The following ATAD2 variants were observed in gnomAD, a reference collection of about 807,000 sequenced individuals.
ATAD2 encodes the protein ATPase family AAA domain-containing protein 2.
ATAD2 carries 62 observed loss-of-function variants against 168.9 expected under a neutral mutation model. That is an observed-to-expected ratio of 0.37 (90% CI 0.30 to 0.45). The LOEUF is 0.45. Among genes scored for constraint, ATAD2 ranks in the 20% least tolerant of loss-of-function variants. The pLI is 1.00. For missense variants in ATAD2, 1,419 were observed against 1,667.8 expected (o/e 0.85, Z 2.60); for synonymous variants, 613 against 571.6 (o/e 1.07, Z -1.03).
chr8:123,349,117 T>C (rs1188291017), intron 14 of ATAD2, among the ~76,000 whole-genome samples, 168 bp downstream of exon 14: 1 of 152,234 alleles, frequency 6.6e-6, no homozygotes, highest in Non-Finnish European at 1.5e-5. Flanking sequence ...AAGGCATTAT[T>C]ATATTTAAAG....
intron 19 of ATAD2, among the ~76,000 whole-genome samples, chr8:123,343,448 T>TACACGTTTTTG (rs1828128045): frequency 6.6e-6 from 1 of 152,234 alleles, no homozygotes; most frequent in African/African-American, 2.4e-5. Context: ...TGTGTAAGGA[T>TACACGTTTTTG]ACACGTTTTT....
chr8:123,332,108 T>C (rs1287191079), intron 24 of ATAD2, among the ~76,000 whole-genome samples: 1 of 152,228 alleles, frequency 6.6e-6, no homozygotes, highest in Non-Finnish European at 1.5e-5. Context: ...TAAAATAGAC[T>C]ACTGTCTATA....
intron 26 of ATAD2, among the ~76,000 whole-genome samples, chr8:123,325,294 A>AT (rs148383295): frequency 0.067 from 9,568 of 143,672 alleles, 1,004 homozygotes; most frequent in African/African-American, 0.23. Context: ...TTATTTATTT[A>AT]TTTTTTTTTT....
intron 20 of ATAD2, among the ~76,000 whole-genome samples, chr8:123,338,662 T>C (rs75106317): frequency 0.028 from 4,227 of 152,266 alleles, 178 homozygotes; most frequent in African/African-American, 0.096. Context: ...TGATGGGTCA[T>C]AAAGGCAGAA....
At chr8:123,367,951 A>G (rs1829030025) in intron 8 of ATAD2, among the ~76,000 whole-genome samples, 1 of 152,230 alleles carries the variant, frequency 6.6e-6, no homozygotes, top group Admixed American at 6.5e-5. Flanking sequence ...AACTGTTCAA[A>G]TAACTGAAAT....
intron 24 of ATAD2, among the ~76,000 whole-genome samples, chr8:123,331,633 TAACA>T (rs1475526548): frequency 1.3e-5 from 2 of 152,220 alleles, no homozygotes; most frequent in East Asian, 1.9e-4. Flanking sequence ...CTATGTTACA[TAACA>T]AACAATTCAA....
intron 25 of ATAD2, among the ~76,000 whole-genome samples, chr8:123,327,777 G>T (rs1409258887): frequency 6.6e-6 from 1 of 152,128 alleles, no homozygotes; most frequent in Admixed American, 6.6e-5. Context: ...GGTAAGAGTT[G>T]TTCATACCAC....
chr8:123,400,743 C>A, upstream of ATAD2: 1 of 769,860 alleles, frequency 1.3e-6, no homozygotes, highest in Middle Eastern at 3.6e-4. The surrounding 1 kb of genome is among the most constrained non-coding windows in gnomAD (Gnocchi z 4.5). Flanking sequence ...CAGCCCTTAC[C>A]TGGAAGATCA....
At chr8:123,348,327 G>T in intron 14 of ATAD2, 54 bp from the exon 15 acceptor site, 1 of 1,237,884 alleles carries the variant, frequency 8.1e-7, no homozygotes, top group South Asian at 1.4e-5. Context: ...ATGCTATTCA[G>T]ATTACATTAA....
chr8:123,372,790 C>T, intron 2 of ATAD2, 104 bp from the exon 3 acceptor site: 1 of 887,212 alleles, frequency 1.1e-6, no homozygotes, highest in Non-Finnish European at 1.6e-6. Context: ...TGCAGTGGCA[C>T]AATCATGACT....
rs764337149 is a variant in ATAD2 at position 123,337,780 on chromosome 8, C to T, written c.2896G>A (p.Glu966Lys). Residue 966 changes from glutamate (E) to lysine (K), a missense_variant, in exon 21 of 28, where the codon GAG becomes AAG. By Grantham distance (56) the Glu-to-Lys change is moderately conservative (BLOSUM62 1). Coordinates refer to ENST00000287394, the MANE Select transcript of ATAD2 (RefSeq NM_014109.4). ...LEVLPVAPPP[E>K]PRSLTAEEVK... Reference sequence around the variant, plus strand: ...TCTTCTGCTGTCAGTGATCTTGGCTCAGGTGGTGGTGCTACTGGGAGTACC... The same window carrying T: ...TCTTCTGCTGTCAGTGATCTTGGCTTAGGTGGTGGTGCTACTGGGAGTACC... 6.2e-7 allele frequency: 1 copy of T among 1,612,454 alleles called. No individual in the cohort carries two copies. Among genetic ancestry groups the T allele is most frequent in the Admixed American group, 1.7e-5 (1 of 59,760 alleles).
At position 123,403,483 on chromosome 8, in the gene ATAD2, TG is replaced by T. The variant is rs368788170; in HGVS notation, c.-2281-2309del. On this transcript the variant is annotated intron_variant, in intron 1 of 28. Transcript: ENST00000521903. ...CTATGTTGCCCAGGCTGCAGTGCAG[TG>T]GCTATTCACAGGCGCAATCACAGCT... is the stretch of plus-strand genomic sequence containing the variant. 2.0e-3 allele frequency among the ~76,000 whole-genome samples: 309 copies of T among 151,758 alleles called. 1 individual carries two copies. The highest frequency in any genetic ancestry group is 7.2e-3 in the African/African-American group (298 of 41,340).
At chr8:123,378,727 C>CAAAAAAAAAAA (rs1554646643) in intron 2 of ATAD2, among the ~76,000 whole-genome samples, 32 of 90,998 alleles carry the variant, frequency 3.5e-4, no homozygotes, top group African/African-American at 1.2e-3. Context: ...AAAAAAAAAT[C>CAAAAAAAAAAA]AAAATTCCAT....
intron 1 of ATAD2, among the ~76,000 whole-genome samples, chr8:123,390,101 C>T (rs1237329396): frequency 6.6e-6 from 1 of 150,938 alleles, no homozygotes; most frequent in African/African-American, 2.4e-5. Flanking sequence ...GCCTCAGCCT[C>T]CCCGGCACCT....
rs1281544523 is a variant in ATAD2, at chr8:123,326,123, C to T, written c.3869-97G>A. 7 of 1,311,446 alleles carry T rather than the reference C, an allele frequency of 5.3e-6. No homozygotes were observed. The African/African-American group carries it at 1.0e-4, about 20-fold the overall frequency. The allele number at this position is 1,311,446 out of a possible 1,614,324, so 81.2% of individuals were successfully genotyped here. ...AGGCAGATTAAACAGGGCATGTTTA[C>T]TAAGGACATAAACAGCAATTCTGGC... On this transcript the variant is annotated intron_variant, in intron 25 of 27. Transcript: ENST00000287394.
intron 27 of ATAD2, 106 bp from the exon 28 acceptor site, chr8:123,321,281 G>A: frequency 6.2e-6 from 6 of 969,150 alleles, no homozygotes; most frequent in Non-Finnish European, 9.3e-6. Flanking sequence ...TTAATATTCA[G>A]GTATATATTT....
At chr8:123,333,129 C>T (rs1287254266) in intron 24 of ATAD2, among the ~76,000 whole-genome samples, 1 of 148,086 alleles carries the variant, frequency 6.8e-6, no homozygotes, top group Non-Finnish European at 1.5e-5. Flanking sequence ...TGGCTCACGC[C>T]TGTAATCCCA....
chr8:123,339,306 C>A lies in ATAD2; in HGVS notation c.2854+5G>T. On this transcript the variant is annotated splice_donor_5th_base_variant and intron_variant, in intron 20 of 27. Transcript: ENST00000287394. Reference sequence around the variant, plus strand: ...TTAAATATTAACTTTGATATAGAAACTAACCTGCTTTCTTTTTTGATATAG... The same window carrying A: ...TTAAATATTAACTTTGATATAGAAAATAACCTGCTTTCTTTTTTGATATAG... The A allele has an allele frequency of 1.3e-6, 2 of 1,540,942 alleles. No individual in the cohort carries two copies. The highest frequency in any genetic ancestry group is 1.8e-6 in the Non-Finnish European group (2 of 1,139,698).
chr8:123,354,772 G>T (rs1828578132), intron 13 of ATAD2, among the ~76,000 whole-genome samples: 2 of 144,752 alleles, frequency 1.4e-5, no homozygotes, highest in Non-Finnish European at 3.0e-5. Context: ...TGGGAGATGG[G>T]GGTTGCAGTG....
Sources: gnomAD v4.1 joint callset for allele counts (sites outside exome capture counted in the v4.1 genomes callset) on GRCh38, gnomAD v4.1.1 for gene constraint, Gnocchi (gnomAD v3.1) non-coding constraint, MANE v1.5 for transcripts, NCBI Gene and HGNC (gene_info 2026-07-23, HGNC 2026-07-21) for gene names.